Variants in WDPCP observed in about 807,000 individuals in gnomAD.
WDPCP encodes the protein WD repeat containing planar cell polarity effector.
A neutral mutation model predicts 93.1 loss-of-function variants in WDPCP; 71 were observed. That is an observed-to-expected ratio of 0.76 (90% confidence interval 0.63 to 0.93). The LOEUF (loss-of-function observed/expected upper bound fraction) is 0.93. Ranked by LOEUF, WDPCP falls within the 40% of genes least tolerant of loss-of-function variation. The pLI, the probability that WDPCP is intolerant of heterozygous loss-of-function variation, is 0.00. For synonymous variants in WDPCP, 315 were observed against 315.0 expected (o/e 1.00, Z 0.00); for missense variants, 844 against 887.4 (o/e 0.95, Z 0.62).
At chr2:63,331,877 A>T (rs923511777) in intron 12 of WDPCP, among the ~76,000 whole-genome samples, 2 of 151,988 alleles carry the variant, frequency 1.3e-5, no homozygotes, top group East Asian at 3.9e-4. Flanking sequence ...CTTTTCATAA[A>T]TCTTTAGAGA....
At chr2:63,216,759 G>A (rs1677386390) in intron 14 of WDPCP, among the ~76,000 whole-genome samples, 1 of 151,728 alleles carries the variant, frequency 6.6e-6, no homozygotes, top group Non-Finnish European at 1.5e-5. Flanking sequence ...TGTAGAACAT[G>A]GCCAAACTTA....
chr2:63,415,611 G>C (rs1237941053), intron 9 of WDPCP, among the ~76,000 whole-genome samples: 1 of 152,176 alleles, frequency 6.6e-6, no homozygotes, highest in Non-Finnish European at 1.5e-5. Flanking sequence ...TTGAATCCAG[G>C]TCTGTCTGAC....
intron 2 of WDPCP, among the ~76,000 whole-genome samples, chr2:63,673,552 T>C (rs933911657): frequency 5.3e-5 from 8 of 152,100 alleles, no homozygotes; most frequent in African/African-American, 1.9e-4. Flanking sequence ...CCACCAGTCA[T>C]TGGTGGGAGA....
At chr2:63,321,422 G>A (rs7585640) in intron 12 of WDPCP, among the ~76,000 whole-genome samples, 120,989 of 151,022 alleles carry the variant, frequency 0.8, 49,330 homozygotes, top group East Asian at 0.96. Flanking sequence ...GTGTGTGTGT[G>A]TGTATCCACC....
intron 1 of WDPCP, among the ~76,000 whole-genome samples, chr2:63,819,800 A>G (rs1670992743): frequency 6.6e-6 from 1 of 152,172 alleles, no homozygotes. Flanking sequence ...CAGTTTTCAC[A>G]GACACTTGGC....
chr2:63,488,534 T>G (rs1371661438), intron 2 of WDPCP, among the ~76,000 whole-genome samples: 2 of 152,058 alleles, frequency 1.3e-5, no homozygotes, highest in Non-Finnish European at 2.9e-5. Context: ...AAGGATTTAT[T>G]GCGAAAAATC....
At chr2:63,475,849 A>T (rs758582507) in intron 6 of WDPCP, among the ~76,000 whole-genome samples, 4 of 151,998 alleles carry the variant, frequency 2.6e-5, no homozygotes, top group African/African-American at 9.7e-5. Flanking sequence ...CTCTTCTCCC[A>T]AGATACTCAT....
chr2:63,378,359 G>C, intron 12 of WDPCP, 27 bp downstream of exon 12: 1 of 1,612,112 alleles, frequency 6.2e-7, no homozygotes, highest in Non-Finnish European at 8.5e-7. Flanking sequence ...TTAGTCTGAC[G>C]CTAATCAATC....
At chr2:63,522,453 CAG>C (rs1198603546) in intron 1 of WDPCP, among the ~76,000 whole-genome samples, 76 of 120,828 alleles carry the variant, frequency 6.3e-4, no homozygotes, top group Non-Finnish European at 8.7e-4. Flanking sequence ...GACAGACAGA[CAG>C]ACACACACAC....
chr2:63,161,632 G>A (rs1174311440), intron 15 of WDPCP, among the ~76,000 whole-genome samples: 1 of 151,788 alleles, frequency 6.6e-6, no homozygotes, highest in African/African-American at 2.4e-5. Flanking sequence ...ATTTAAACTG[G>A]GGTTGAAAAT....
At chr2:63,452,529 A>G (rs1382575556) in intron 6 of WDPCP, among the ~76,000 whole-genome samples, 1 of 152,232 alleles carries the variant, frequency 6.6e-6, no homozygotes, top group Non-Finnish European at 1.5e-5. Context: ...AGGGTAATTT[A>G]TAGATTCAAT....
At chr2:63,712,824 G>C (rs1004612205) in intron 2 of WDPCP, among the ~76,000 whole-genome samples, 2 of 152,186 alleles carry the variant, frequency 1.3e-5, no homozygotes. Flanking sequence ...CTACACCCAA[G>C]TTGCCCTGCC....
intron 2 of WDPCP, among the ~76,000 whole-genome samples, chr2:63,677,029 A>G (rs1241295344): frequency 6.6e-6 from 1 of 151,832 alleles, no homozygotes; most frequent in Non-Finnish European, 1.5e-5. Flanking sequence ...TTTAAAAACT[A>G]CTCCCCCACA....
At chr2:63,419,131 G>A (rs1268719416) in intron 9 of WDPCP, among the ~76,000 whole-genome samples, 1 of 151,962 alleles carries the variant, frequency 6.6e-6, no homozygotes, top group African/African-American at 2.4e-5. Flanking sequence ...TTATCCTTCA[G>A]TGTATCTTTT....
chr2:63,239,047 C>T (rs1191702670), intron 14 of WDPCP, among the ~76,000 whole-genome samples: 1 of 152,176 alleles, frequency 6.6e-6, no homozygotes, highest in African/African-American at 2.4e-5. Context: ...AGAATACAGC[C>T]TCAGTGCAGC....
chr2:63,132,529 T>C (rs551216996), intron 17 of WDPCP, among the ~76,000 whole-genome samples: 30 of 149,866 alleles, frequency 2.0e-4, no homozygotes, highest in Non-Finnish European at 3.5e-4. Context: ...TTTATTCTTT[T>C]GTTCTTTTTG....
chr2:63,734,930 G>A (rs1321454762), intron 2 of WDPCP, among the ~76,000 whole-genome samples: 1 of 151,896 alleles, frequency 6.6e-6, no homozygotes, highest in Non-Finnish European at 1.5e-5. Flanking sequence ...ATAGACAGAT[G>A]AAGAAATTTC....
exon 3 of WDPCP, chr2:63,650,692 C>T (rs1217495190): frequency 1.3e-5 from 2 of 152,124 alleles, no homozygotes; most frequent in East Asian, 3.9e-4. Context: ...TCTGAAGTTT[C>T]CTGGAGGTCC....
chr2:63,760,081 G>A (rs754966025), intron 2 of WDPCP, among the ~76,000 whole-genome samples: 2 of 152,216 alleles, frequency 1.3e-5, no homozygotes, highest in Non-Finnish European at 2.9e-5. Context: ...AGGCAGGACT[G>A]TGAATGAGCC....
Sources: allele counts gnomAD v4.1 joint callset (sites outside exome capture counted in the v4.1 genomes callset), GRCh38; gene constraint gnomAD v4.1.1; transcripts MANE v1.5; gene names NCBI Gene and HGNC (gene_info 2026-07-23, HGNC 2026-07-21).